Variants in PCCA observed in about 807,000 individuals in gnomAD.
PCCA encodes the protein propionyl-CoA carboxylase subunit alpha, also known as propionyl-CoA carboxylase alpha chain, mitochondrial.
In PCCA, 74 loss-of-function variants were observed where a neutral mutation model predicts 101.3. The ratio of observed to expected loss-of-function variants is 0.73; its 90% confidence interval spans 0.61 to 0.89. The LOEUF (loss-of-function observed/expected upper bound fraction) is 0.89. Ranked by LOEUF, PCCA falls within the 40% of genes least tolerant of loss-of-function variation. The pLI is 0.00. For missense variants in PCCA, 891 were observed against 907.0 expected, an observed-to-expected ratio of 0.98 and a Z score of 0.23; for synonymous variants, 294 against 313.6, an observed-to-expected ratio of 0.94 and a Z score of 0.66.
intron 12 of PCCA, among the ~76,000 whole-genome samples, chr13:100,288,675 G>A (rs981128884): frequency 2.0e-5 from 3 of 152,158 alleles, no homozygotes; most frequent in African/African-American, 4.8e-5. Flanking sequence ...TACCATTATG[G>A]TATCATAAGA....
At chr13:100,229,839 T>C (rs1163700308) in intron 7 of PCCA, among the ~76,000 whole-genome samples, 1 of 152,170 alleles carries the variant, frequency 6.6e-6, no homozygotes, top group African/African-American at 2.4e-5. Flanking sequence ...GAAATTAAAT[T>C]TATGTTCCAG....
In PCCA at chr13:100,138,313, C is replaced by T. The variant is rs911715985; in HGVS notation, c.301-16666C>T. ...GATTATAATATACATACTTAACTTC[C>T]TATGGTCTATTGAAAATTCATATTT... is the stretch of plus-strand genomic sequence containing the variant. On this transcript the variant is annotated intron_variant, in intron 4 of 23. Coordinates refer to ENST00000376285, the MANE Select transcript of PCCA (RefSeq NM_000282.4). Among the ~76,000 whole-genome samples, 9 of 152,088 alleles carry T rather than the reference C, an allele frequency of 5.9e-5. No individual in the cohort carries two copies. In the South Asian group the frequency reaches 1.5e-3, roughly 25 times the overall value.
chr13:100,152,299 C>T (rs970161327), intron 4 of PCCA, among the ~76,000 whole-genome samples: 4 of 150,980 alleles, frequency 2.6e-5, no homozygotes, highest in Non-Finnish European at 4.4e-5. Flanking sequence ...TTTGTAAAGT[C>T]CATAGCAGTT....
At chr13:100,348,783 T>TC (rs2072766422) in intron 18 of PCCA, among the ~76,000 whole-genome samples, 1 of 55,406 alleles carries the variant, frequency 1.8e-5, no homozygotes, top group Non-Finnish European at 3.8e-5. Context: ...TTTCTTTCTT[T>TC]CTTTCTTCCT....
chr13:100,482,731 G>A (rs1000510680), intron 21 of PCCA, among the ~76,000 whole-genome samples: 2 of 152,154 alleles, frequency 1.3e-5, no homozygotes, highest in African/African-American at 4.8e-5. Flanking sequence ...TGGGATTACA[G>A]GTGCATGCCA....
intron 7 of PCCA, among the ~76,000 whole-genome samples, chr13:100,235,398 A>G (rs2152521481): frequency 6.6e-6 from 1 of 152,266 alleles, no homozygotes; most frequent in African/African-American, 2.4e-5. Context: ...TATTTCTGCA[A>G]AATCGATCAA....
chr13:100,181,480 T>G (rs2056775205), intron 6 of PCCA, among the ~76,000 whole-genome samples: 1 of 152,148 alleles, frequency 6.6e-6, no homozygotes, highest in Admixed American at 6.5e-5. Context: ...TAGAGTGTGG[T>G]AGGGTGCTCA....
intron 16 of PCCA, among the ~76,000 whole-genome samples, chr13:100,329,365 G>A (rs545544647): frequency 6.6e-5 from 10 of 152,218 alleles, no homozygotes; most frequent in African/African-American, 1.7e-4. Flanking sequence ...TGAACGTACC[G>A]TGCAGTGATG....
At chr13:100,162,187 CT>C (rs1051690671) in intron 6 of PCCA, among the ~76,000 whole-genome samples, 4 of 151,770 alleles carry the variant, frequency 2.6e-5, no homozygotes, top group African/African-American at 7.3e-5. Flanking sequence ...GTAGGACTTA[CT>C]TTTTTTATAT....
At position 100,302,920 on chromosome 13, in the gene PCCA, T is replaced by C. The variant is rs1415422969; in HGVS notation, c.1210-4T>C. 1.3e-6 allele frequency: 2 copies of C among 1,571,976 alleles called. No homozygotes were observed. The highest frequency in any genetic ancestry group is 1.8e-6 in the Non-Finnish European group (2 of 1,141,584). ...ACTGTGCTTCCTTTCCTTTGAACTT[T>C]CAGGACCCCTACAAGTCTTTTGGTT... is the stretch of plus-strand genomic sequence containing the variant. On this transcript the variant is annotated splice_region_variant and splice_polypyrimidine_tract_variant and intron_variant, in intron 13 of 23. Transcript: ENST00000376285.
chr13:100,472,861 G>A (rs1270608631), intron 21 of PCCA, among the ~76,000 whole-genome samples: 3 of 147,772 alleles, frequency 2.0e-5, no homozygotes, highest in African/African-American at 7.5e-5. Flanking sequence ...AAATGTTAAA[G>A]TATCATAAGA....
At chr13:100,299,316 C>G (rs780026239) in intron 12 of PCCA, among the ~76,000 whole-genome samples, 3 of 152,176 alleles carry the variant, frequency 2.0e-5, no homozygotes, top group Admixed American at 6.5e-5. Flanking sequence ...GATCCCTCTT[C>G]AAAGGTGAAG....
chr13:100,148,679 A>T (rs2052900970), intron 4 of PCCA, among the ~76,000 whole-genome samples: 1 of 152,150 alleles, frequency 6.6e-6, no homozygotes, highest in Non-Finnish European at 1.5e-5. Context: ...CAAGACAAAG[A>T]CTAAAACAAA....
chr13:100,437,878 C>A (rs2080058063), intron 20 of PCCA, among the ~76,000 whole-genome samples: 1 of 152,076 alleles, frequency 6.6e-6, no homozygotes, highest in Non-Finnish European at 1.5e-5. Context: ...CCATGTTGGC[C>A]AGGCTGGTCT....
At chr13:100,107,462 G>A (rs932437348) in intron 2 of PCCA, among the ~76,000 whole-genome samples, 8 of 152,164 alleles carry the variant, frequency 5.3e-5, no homozygotes, top group African/African-American at 1.2e-4. Flanking sequence ...GCCGAGACAC[G>A]GGATTCCTTG....
At chr13:100,456,527 G>A (rs2081729216) in intron 21 of PCCA, among the ~76,000 whole-genome samples, 2 of 152,144 alleles carry the variant, frequency 1.3e-5, no homozygotes, top group South Asian at 2.1e-4. Context: ...GGCCCCGAAC[G>A]GCTGGGCGCG....
intron 19 of PCCA, among the ~76,000 whole-genome samples, chr13:100,398,915 C>T (rs2077187513): frequency 6.6e-6 from 1 of 151,946 alleles, no homozygotes; most frequent in African/African-American, 2.4e-5. Flanking sequence ...CATTTTGATT[C>T]AAGAAGAAAT....
At chr13:100,185,067 C>A (rs572011173) in intron 6 of PCCA, among the ~76,000 whole-genome samples, 100 of 152,296 alleles carry the variant, frequency 6.6e-4, no homozygotes, top group African/African-American at 2.2e-3. Context: ...CATAATATTA[C>A]CTAGGTCAAA....
intron 2 of PCCA, among the ~76,000 whole-genome samples, chr13:100,103,275 T>C (rs2047436691): frequency 6.6e-6 from 1 of 152,166 alleles, no homozygotes; most frequent in Non-Finnish European, 1.5e-5. Flanking sequence ...ATTTGAGAGA[T>C]TTAATTAAAC....
Sources: gnomAD v4.1 joint callset for allele counts (sites outside exome capture counted in the v4.1 genomes callset) on GRCh38, gnomAD v4.1.1 for gene constraint, MANE v1.5 for transcripts, NCBI Gene and HGNC (gene_info 2026-07-23, HGNC 2026-07-21) for gene names.